Variants in OTOP1 observed in about 807,000 individuals in gnomAD.
OTOP1 encodes otopetrin 1.
A neutral mutation model predicts 52.9 loss-of-function variants in OTOP1; 59 were observed. The observed-to-expected ratio is 1.12, with a 90% CI of 0.91 to 1.39. OTOP1 has a LOEUF of 1.39. Among genes scored for constraint, OTOP1 ranks in the 40% most tolerant of loss-of-function variants. The pLI is 0.00. For synonymous variants in OTOP1, 317 were observed against 337.7 expected (o/e 0.94, Z 0.67); for missense variants, 761 against 800.9 (o/e 0.95, Z 0.60).
chr4:4,222,026 TCATC>T (rs989717873), intron 1 of OTOP1, among the ~76,000 whole-genome samples: 2 of 152,112 alleles, frequency 1.3e-5, no homozygotes, highest in African/African-American at 4.8e-5. Flanking sequence ...ACCCATCTAG[TCATC>T]CATCCATCCA....
chr4:4,216,742 G>C (rs1176218049), intron 1 of OTOP1, among the ~76,000 whole-genome samples: 1 of 152,224 alleles, frequency 6.6e-6, no homozygotes, highest in African/African-American at 2.4e-5. Context: ...AAGATGAGGC[G>C]AGGCAGCGTG....
At chr4:4,193,464 G>A (rs1716556508) in intron 5 of OTOP1, among the ~76,000 whole-genome samples, 1 of 152,180 alleles carries the variant, frequency 6.6e-6, no homozygotes, top group African/African-American at 2.4e-5. Flanking sequence ...ATCAGCACCT[G>A]CAGCTGGGGC....
At chr4:4,219,721 T>C (rs926421822) in intron 1 of OTOP1, among the ~76,000 whole-genome samples, 2 of 149,952 alleles carry the variant, frequency 1.3e-5, no homozygotes, top group African/African-American at 4.9e-5. Context: ...ACATACTGTA[T>C]GAGGAAGATA....
chr4:4,189,262 G>C (rs1295415031), intron 5 of OTOP1, among the ~76,000 whole-genome samples: 1 of 152,212 alleles, frequency 6.6e-6, no homozygotes, highest in Non-Finnish European at 1.5e-5. Flanking sequence ...CCCTCGCCCA[G>C]CCTCGGTTTC....
At chr4:4,224,354 A>AAT (rs1394365814) in intron 1 of OTOP1, among the ~76,000 whole-genome samples, 1 of 151,630 alleles carries the variant, frequency 6.6e-6, no homozygotes, top group East Asian at 1.9e-4. Context: ...CTCAAAAAAA[A>AAT]AAAATAAAGA....
chr4:4,191,205 A>C (rs1195647306), intron 5 of OTOP1, among the ~76,000 whole-genome samples: 1 of 149,746 alleles, frequency 6.7e-6, no homozygotes, highest in Non-Finnish European at 1.5e-5. Context: ...GCGCATCTCC[A>C]CTCTGTGCCT....
rs530019361 is a variant in OTOP1 at position 4,199,161 on chromosome 4, C to G, written c.731-1058G>C. Among the ~76,000 whole-genome samples, 28 of 150,240 alleles carry G rather than the reference C, an allele frequency of 1.9e-4. No individual in the cohort carries two copies. In the South Asian group the frequency reaches 5.9e-3, roughly 31 times the overall value. The stretch of plus-strand genomic sequence containing the variant: ...CTGAGATCGTGCCACTGCACTCCAG[C>G]CTAGGCGACAGAGCGAGACTCAGTC... On this transcript the variant is annotated intron_variant, in intron 4 of 5. Coordinates refer to ENST00000296358, the MANE Select transcript of OTOP1 (RefSeq NM_177998.3).
chr4:4,217,829 C>G (rs1181668688), intron 1 of OTOP1, among the ~76,000 whole-genome samples: 1 of 152,050 alleles, frequency 6.6e-6, no homozygotes, highest in African/African-American at 2.4e-5. Flanking sequence ...AGCTTGTGAA[C>G]TGGAAGAGAG....
chr4:4,223,963 A>G lies in OTOP1; in HGVS notation c.403+2499T>C, dbSNP rs1717362425. Among the ~76,000 whole-genome samples, 3 of 151,380 alleles carry G rather than the reference A, an allele frequency of 2.0e-5. No homozygotes were observed. In the South Asian group the frequency reaches 6.3e-4, roughly 32 times the overall value. ...AGGAAGAGAAAGAGAGGAGAGAGAG[A>G]GGGAAGAGGGACAGTGGAGAGAAGG... On this transcript the variant is annotated intron_variant, in intron 1 of 5. Transcript: ENST00000296358.
chr4:4,219,629 A>G (rs1009436034), intron 1 of OTOP1, among the ~76,000 whole-genome samples: 12 of 151,496 alleles, frequency 7.9e-5, no homozygotes, highest in Admixed American at 2.6e-4. Flanking sequence ...TCCAGGAGGC[A>G]GAGCTTACAG....
intron 5 of OTOP1, among the ~76,000 whole-genome samples, chr4:4,190,259 G>A (rs6832066): frequency 0.15 from 22,324 of 152,182 alleles, 2,227 homozygotes; most frequent in Non-Finnish European, 0.22. Flanking sequence ...GATCACCTGA[G>A]GTCAGGAGTT....
At chr4:4,213,420 C>T (rs1170847724) in intron 1 of OTOP1, among the ~76,000 whole-genome samples, 2 of 152,152 alleles carry the variant, frequency 1.3e-5, no homozygotes, top group African/African-American at 2.4e-5. Flanking sequence ...AATTTTTGCA[C>T]ATCACAGGAC....
intron 1 of OTOP1, among the ~76,000 whole-genome samples, chr4:4,215,613 T>C (rs1717127990): frequency 6.6e-6 from 1 of 151,970 alleles, no homozygotes; most frequent in Non-Finnish European, 1.5e-5. Flanking sequence ...TGAGCCGAGA[T>C]CGCATGATTG....
intron 5 of OTOP1, among the ~76,000 whole-genome samples, chr4:4,192,902 T>C (rs979516763): frequency 3.9e-5 from 6 of 152,126 alleles, no homozygotes; most frequent in African/African-American, 1.4e-4. Context: ...GGAGTTCATA[T>C]TTAATGAGGG....
intron 3 of OTOP1, among the ~76,000 whole-genome samples, chr4:4,203,652 A>G (rs1334746804): frequency 6.6e-6 from 1 of 152,230 alleles, no homozygotes; most frequent in Non-Finnish European, 1.5e-5. Context: ...GTCTTCCTAC[A>G]CCTGCAGGCT....
intron 2 of OTOP1, among the ~76,000 whole-genome samples, chr4:4,207,980 G>T (rs1716943982): frequency 6.6e-6 from 1 of 152,182 alleles, no homozygotes; most frequent in African/African-American, 2.4e-5. Context: ...TTGATCAGCG[G>T]TTCACATGTG....
In OTOP1 at chr4:4,220,105, A is replaced by ATATATTTT. The variant is rs1434375771; in HGVS notation, c.403+6356_403+6357insAAAATATA. 6.6e-4 allele frequency among the ~76,000 whole-genome samples: 39 copies of ATATATTTT among 59,390 alleles called. 2 individuals carry two copies. The highest frequency in any genetic ancestry group is 1.6e-3 in the Admixed American group (8 of 4,938). The allele number at this position is 59,390 out of a possible 152,430, so 39.0% of individuals were successfully genotyped here. On this transcript the variant is annotated intron_variant, in intron 1 of 5. Transcript: ENST00000296358. ...CATATATATATATATATATATATAT[A>ATATATTTT]TTTTTTTTTTTTTTGAGATGGAGTT...
rs1419656311 is a variant in OTOP1 at position 4,197,795 on chromosome 4, G to A, written c.1039C>T (p.Leu347Phe). ...GRSKTKSESA[L>F]IMFYLYAITL... ...ATGGCATACAGGTAGAACATGATGA[G>A]TGCCGACTCGCTCTTGGTCTTGGAG... The change falls in exon 5 of 6, where the codon CTC (leucine) becomes TTC (phenylalanine). Residue 347 changes from leucine (L) to phenylalanine (F), a missense_variant. This residue lies in a region of OTOP1 where 632 missense variants were observed against 619.5 expected (regional missense o/e 1.02). Coordinates refer to ENST00000296358, the MANE Select transcript of OTOP1 (RefSeq NM_177998.3). 3 of 1,613,918 alleles carry A rather than the reference G, an allele frequency of 1.9e-6. No homozygotes were observed. Among genetic ancestry groups the A allele is most frequent in the Admixed American group, 1.7e-5 (1 of 59,988 alleles).
intron 1 of OTOP1, among the ~76,000 whole-genome samples, chr4:4,225,043 G>A (rs1333959458): frequency 6.6e-6 from 1 of 152,198 alleles, no homozygotes; most frequent in Non-Finnish European, 1.5e-5. Flanking sequence ...AGGCAATCAG[G>A]TAACTTGCCC....
Sources: gnomAD v4.1 joint callset for allele counts (sites outside exome capture counted in the v4.1 genomes callset) on GRCh38, gnomAD v4.1.1 for gene constraint, gnomAD v4.1.1 regional missense constraint, MANE v1.5 for transcripts, NCBI Gene and HGNC (gene_info 2026-07-23, HGNC 2026-07-21) for gene names.